Variants in SPDYC observed in about 807,000 individuals in gnomAD.
SPDYC encodes speedy protein C.
Under a neutral mutation model 33.9 loss-of-function variants are expected in SPDYC, and 25 were observed. The observed-to-expected ratio is 0.74, with a 90% confidence interval of 0.54 to 1.03. SPDYC has a LOEUF of 1.03. Among genes scored for constraint, SPDYC ranks in the 50% least tolerant of loss-of-function variants. The pLI is 0.00. For missense variants in SPDYC, 349 were observed against 382.9 expected (o/e 0.91, Z 0.74); for synonymous variants, 133 against 140.2 (o/e 0.95, Z 0.36).
chr11:65,170,932 G>A (rs1401695329), intron 1 of SPDYC, among the ~76,000 whole-genome samples: 1 of 152,134 alleles, frequency 6.6e-6, no homozygotes, highest in Non-Finnish European at 1.5e-5. Context: ...TGGAGACCAA[G>A]GGCTTCACTT....
chr11:65,172,587 C>A (rs1167482142), exon 5 of SPDYC: 1 of 1,551,566 alleles, frequency 6.4e-7, no homozygotes, highest in African/African-American at 1.4e-5. Context: ...CTGTTGTGAG[C>A]CGCCAGTGCT....
exon 6 of SPDYC, chr11:65,172,861 C>G (rs763486664): frequency 3.7e-6 from 6 of 1,614,182 alleles, no homozygotes; most frequent in African/African-American, 1.3e-5. Context: ...CTTGCTTAAG[C>G]CTGTGTCATC....
At chr11:65,172,523 T>C in exon 5 of SPDYC, 1 of 1,577,530 alleles carries the variant, frequency 6.3e-7, no homozygotes, top group Non-Finnish European at 8.6e-7. Context: ...TGTTTACGAG[T>C]GGGGAAATTC....
Position 65,172,341 on chromosome 11 carries a change from G to A in SPDYC, c.344+10G>A, listed in dbSNP as rs372111601. The A allele has an allele frequency of 3.7e-6, 6 of 1,614,040 alleles. No homozygotes were observed. In the African/African-American group the frequency reaches 5.3e-5, roughly 14 times the overall value. ...GCCTGTTCTTGGCCCTGTGAGTGGT[G>A]GGGGCAGGCAGTGGAGGCATTTGCT... On this transcript the variant is annotated intron_variant, in intron 4 of 6. Coordinates refer to ENST00000377185, the Ensembl canonical transcript of SPDYC.
chr11:65,172,058 A>G, intron 3 of SPDYC, 57 bp downstream of exon 3: 1 of 1,586,580 alleles, frequency 6.3e-7, no homozygotes, highest in Non-Finnish European at 8.7e-7. Flanking sequence ...GTGGGAATTG[A>G]GTGCCCTGGT....
At chr11:65,172,896 A>G in exon 6 of SPDYC, 2 of 1,613,982 alleles carry the variant, frequency 1.2e-6, no homozygotes, top group Non-Finnish European at 8.5e-7. Flanking sequence ...TGACCTCTGA[A>G]TGTCATCGCC....
downstream of SPDYC, chr11:65,173,249 T>C: frequency 1.9e-6 from 3 of 1,610,308 alleles, no homozygotes; most frequent in Non-Finnish European, 2.5e-6. Context: ...GCACGCCTGC[T>C]GGCCCACTGA....
exon 6 of SPDYC, chr11:65,173,012 G>T (rs747216721): frequency 6.2e-7 from 1 of 1,612,692 alleles, no homozygotes. Context: ...TACTCCCTCC[G>T]CAGTGAGTGC....
chr11:65,171,554 T>C, intron 2 of SPDYC, 55 bp downstream of exon 2: 1 of 1,453,308 alleles, frequency 6.9e-7, no homozygotes. Flanking sequence ...TGAAAGCAGA[T>C]GTGAAGTGTG....
chr11:65,171,292 G>C (rs1948429702), intron 1 of SPDYC, 35 bp from the exon 2 acceptor site: 1 of 1,581,332 alleles, frequency 6.3e-7, no homozygotes, highest in African/African-American at 1.4e-5. Flanking sequence ...CATCACGGGG[G>C]TACATGCTAA....
intron 2 of SPDYC, among the ~76,000 whole-genome samples, 176 bp downstream of exon 2, chr11:65,171,675 G>A (rs887259181): frequency 6.6e-6 from 1 of 152,300 alleles, no homozygotes; most frequent in South Asian, 2.1e-4. Context: ...TTCAGGGCCA[G>A]GCACCGTGAG....
Position 65,171,385 on chromosome 11 carries a change from TC to T in SPDYC, c.89del (p.Pro30LeufsTer2). The T allele has an allele frequency of 6.2e-7, 1 of 1,611,190 alleles. No homozygotes were observed. Among genetic ancestry groups the T allele is most frequent in the Non-Finnish European group, 8.5e-7 (1 of 1,178,792 alleles). ...GAGTGACTCCCAAGACCCCACCACT[TC>T]CCCTGTAGTTACCACCCAGGTAGAG... On this transcript the variant is annotated frameshift_variant, in exon 2 of 7. Coordinates refer to ENST00000377185, the Ensembl canonical transcript of SPDYC. LOFTEE classifies it high-confidence loss of function.
At chr11:65,170,328 C>T (rs1204095997) in intron 1 of SPDYC, 67 bp downstream of exon 1, 2 of 1,477,698 alleles carry the variant, frequency 1.4e-6, no homozygotes, top group South Asian at 1.3e-5. Flanking sequence ...CCAGATTGGC[C>T]CTGGGGTGGT....
At chr11:65,172,963 A>T (rs1231116834) in exon 6 of SPDYC, 1 of 1,613,604 alleles carries the variant, frequency 6.2e-7, no homozygotes, top group East Asian at 2.2e-5. Flanking sequence ...GGACTTTCTC[A>T]TCGTCTTGCC....
At chr11:65,170,361 C>A in intron 1 of SPDYC, 100 bp downstream of exon 1, 1 of 1,237,394 alleles carries the variant, frequency 8.1e-7, no homozygotes, top group Non-Finnish European at 1.1e-6. Flanking sequence ...CTCCTCGGCC[C>A]CGTGGTTGGC....
At chr11:65,172,866 G>A (rs895904302) in exon 6 of SPDYC, 21 of 1,614,188 alleles carry the variant, frequency 1.3e-5, no homozygotes, top group Non-Finnish European at 1.8e-5. Context: ...TTAAGCCTGT[G>A]TCATCCAAGT....
At chr11:65,172,258 A>G in exon 4 of SPDYC, 1 of 1,614,076 alleles carries the variant, frequency 6.2e-7, no homozygotes, top group African/African-American at 1.3e-5. Flanking sequence ...TCTCCTGGCC[A>G]TGGTGCTGGT....
At position 65,172,236 on chromosome 11, in the gene SPDYC, G is replaced by C; in HGVS notation, c.259-10G>C. Reference sequence around the variant, plus strand: ...AATAACTAACCCCCCACCCCGATCTGTCTCTGCAGTATCTCCTGGCCATGG... The same window carrying C: ...AATAACTAACCCCCCACCCCGATCTCTCTCTGCAGTATCTCCTGGCCATGG... On this transcript the variant is annotated splice_polypyrimidine_tract_variant and intron_variant, in intron 3 of 6. Coordinates refer to ENST00000377185, the Ensembl canonical transcript of SPDYC. 1 of 1,614,138 alleles carries C rather than the reference G, an allele frequency of 6.2e-7. No homozygotes were observed. Among genetic ancestry groups the C allele is most frequent in the Non-Finnish European group, 8.5e-7 (1 of 1,180,014 alleles).
rs757437178 is a variant in SPDYC at position 65,173,167 on chromosome 11, T to C, written c.848-16T>C. Reference sequence around the variant, plus strand: ...GGCAGGTTTCTTCTCTGAGCCTCACTCTTTCCTCTCCCCAGTCTTCCCAAA... The same window carrying C: ...GGCAGGTTTCTTCTCTGAGCCTCACCCTTTCCTCTCCCCAGTCTTCCCAAA... On this transcript the variant is annotated splice_polypyrimidine_tract_variant and intron_variant, in intron 6 of 6. Transcript: ENST00000377185. 2 of 1,613,888 alleles carry C rather than the reference T, an allele frequency of 1.2e-6. No individual in the cohort carries two copies. The highest frequency in any genetic ancestry group is 2.2e-5 in the South Asian group (2 of 91,050).
Sources: allele counts gnomAD v4.1 joint callset (sites outside exome capture counted in the v4.1 genomes callset), GRCh38; gene constraint gnomAD v4.1.1; transcripts MANE v1.5; gene names NCBI Gene and HGNC (gene_info 2026-07-23, HGNC 2026-07-21).